Variants in AKTIP observed in about 807,000 individuals in gnomAD.
AKTIP encodes the protein AKT interacting protein.
A neutral mutation model predicts 39.1 loss-of-function variants in AKTIP; 16 were observed. That is an observed-to-expected ratio of 0.41 (90% confidence interval 0.28 to 0.62). The LOEUF (loss-of-function observed/expected upper bound fraction) is 0.62. AKTIP is among the 20% of genes least tolerant of loss of function. The pLI is 0.32. For missense variants in AKTIP, 262 were observed against 356.6 expected (o/e 0.73, Z 2.14); for synonymous variants, 93 against 124.3 (o/e 0.75, Z 1.67).
chr16:53,499,651 G>A (rs886727695), intron 2 of AKTIP, among the ~76,000 whole-genome samples: 11 of 151,772 alleles, frequency 7.2e-5, no homozygotes, highest in African/African-American at 2.2e-4. Context: ...TAGTAGAGAC[G>A]GGGTTTCACC....
chr16:53,500,265 G>C lies in AKTIP; in HGVS notation c.-6C>G, dbSNP rs774445518. ...ATGCTCCAGAAAGGGTTCATAACGT[G>C]TATTCCAAACAAAGAAAGTCAGTGG... On this transcript the variant is annotated 5_prime_UTR_variant, in exon 2 of 10. Coordinates refer to ENST00000394657, the MANE Select transcript of AKTIP (RefSeq NM_022476.4). The C allele has an allele frequency of 6.2e-7, 1 of 1,612,214 alleles. No individual in the cohort carries two copies.
intron 6 of AKTIP, 30 bp from the exon 7 acceptor site, chr16:53,494,467 G>A (rs753524005): frequency 6.2e-7 from 1 of 1,613,442 alleles, no homozygotes; most frequent in Non-Finnish European, 8.5e-7. Context: ...GATTACCGAG[G>A]CGTCCTCTTG....
At position 53,492,696 on chromosome 16, in the gene AKTIP, C is replaced by T; in HGVS notation, c.768G>A (p.Gln256=). 1 of 1,614,002 alleles carries T rather than the reference C, an allele frequency of 6.2e-7. No individual in the cohort carries two copies. Among genetic ancestry groups the T allele is most frequent in the Non-Finnish European group, 8.5e-7 (1 of 1,179,890 alleles). The change falls in exon 9 of 10, where the codon CAG becomes CAA. Residue 256 remains glutamine (Q), a synonymous_variant. Coordinates refer to ENST00000394657, the MANE Select transcript of AKTIP (RefSeq NM_022476.4). ...HDEAREKMLT[Q]KKPEEQHNKS... is the part of the protein sequence containing the mutation. ...TCATAAGTTGTTATCCACTTACTTT[C>T]TGAGTCAGCATCTTTTCTCTGGCTT...
chr16:53,504,088 CTTTTT>C (rs766022873), upstream of AKTIP, among the ~76,000 whole-genome samples: 1 of 133,800 alleles, frequency 7.5e-6, no homozygotes, highest in East Asian at 2.2e-4. Flanking sequence ...AGTTCCTGGT[CTTTTT>C]TTTTTTTTTT....
chr16:53,496,018 A>G (rs1277631379), intron 3 of AKTIP, among the ~76,000 whole-genome samples: 1 of 152,198 alleles, frequency 6.6e-6, no homozygotes, highest in Non-Finnish European at 1.5e-5. Context: ...ACAAGAAACG[A>G]TAAGTGTATT....
At chr16:53,495,049 A>G in intron 5 of AKTIP, 24 bp downstream of exon 5, 1 of 1,598,926 alleles carries the variant, frequency 6.3e-7, no homozygotes, top group South Asian at 1.1e-5. Flanking sequence ...CCACAAATAA[A>G]GCCAGACTGT....
Position 53,494,555 on chromosome 16 carries a change from T to C in AKTIP, c.465A>G (p.Ser155=), listed in dbSNP as rs1961707750. ...ATGCTCTCTTCACATCCAGCTCACC[T>C]GAGGTGGGATCAACTAGCGGGTGAA... ...PVFHPLVDPT[S]GELDVKRAFA... is the part of the protein sequence containing the mutation. Residue 155 remains serine, a synonymous_variant, in exon 6 of 10, where the codon TCA becomes TCG. Coordinates refer to ENST00000394657, the MANE Select transcript of AKTIP (RefSeq NM_022476.4). The C allele has an allele frequency of 7.4e-6, 12 of 1,614,182 alleles. No individual in the cohort carries two copies. Among genetic ancestry groups the C allele is most frequent in the Non-Finnish European group, 1.0e-5 (12 of 1,180,022 alleles).
chr16:53,494,098 A>C, intron 8 of AKTIP, 40 bp downstream of exon 8: 2 of 1,449,106 alleles, frequency 1.4e-6, no homozygotes, highest in Non-Finnish European at 1.9e-6. Context: ...GTGTATTGGA[A>C]AGGACAGTGG....
At chr16:53,493,073 C>CA (rs2150846551) in intron 8 of AKTIP, 2 of 258,882 alleles carry the variant, frequency 7.7e-6, no homozygotes, top group South Asian at 9.6e-5. Flanking sequence ...CTGCTGACTC[C>CA]AAGCTCTTTT....
At chr16:53,504,299 G>T (rs1418959184), upstream of AKTIP, 1 of 152,192 alleles carries the variant, frequency 6.6e-6, no homozygotes, top group Non-Finnish European at 1.5e-5. Context: ...GCAAGCCCCT[G>T]CCCCTTTTCT....
intron 8 of AKTIP, chr16:53,492,967 T>A: frequency 1.9e-6 from 1 of 528,108 alleles, no homozygotes; most frequent in Non-Finnish European, 3.4e-6. Context: ...CACCACCCCT[T>A]GAAGTACTGT....
rs538536153 is a variant in AKTIP, at chr16:53,497,255, G to A, written c.248+1136C>T. Reference sequence around the variant, plus strand: ...CGTGTGTGCCAGGCACCACAGGGTCGCTGCCAGCACTCCGCACCCTGCTTG... The same window carrying A: ...CGTGTGTGCCAGGCACCACAGGGTCACTGCCAGCACTCCGCACCCTGCTTG... On this transcript the variant is annotated intron_variant, in intron 3 of 9. Coordinates refer to ENST00000394657, the MANE Select transcript of AKTIP (RefSeq NM_022476.4). 5.3e-5 allele frequency among the ~76,000 whole-genome samples: 8 copies of A among 152,242 alleles called. No individual in the cohort carries two copies. In the South Asian group the frequency reaches 6.2e-4, roughly 12 times the overall value.
At chr16:53,501,567 A>T (rs1945329264) in intron 1 of AKTIP, 1 of 152,136 alleles carries the variant, frequency 6.6e-6, no homozygotes. Flanking sequence ...CACCAATCAA[A>T]CGGCTGAAGG....
intron 1 of AKTIP, chr16:53,500,987 G>C (rs1199117260): frequency 6.6e-6 from 1 of 152,156 alleles, no homozygotes; most frequent in Non-Finnish European, 1.5e-5. Context: ...TTAACTAACA[G>C]GAAAGCCAGA....
At chr16:53,494,641 GA>G in intron 5 of AKTIP, 36 bp from the exon 6 acceptor site, 1 of 1,589,548 alleles carries the variant, frequency 6.3e-7, no homozygotes, top group Non-Finnish European at 8.6e-7. Context: ...TCCTTTAATG[GA>G]AGCAGTGGCG....
rs1209998954 is a variant in AKTIP, at chr16:53,491,355, A to C, written c.*1057T>G. ...TTAGTACCATAGTACCATTTATACAAATTAGAAAATGTTATTTAACAGCTG... is the reference window on the plus strand; with the variant it reads ...TTAGTACCATAGTACCATTTATACACATTAGAAAATGTTATTTAACAGCTG... On this transcript the variant is annotated 3_prime_UTR_variant, in exon 10 of 10. Transcript: ENST00000394657. 1 of 152,216 alleles carries C rather than the reference A, an allele frequency of 6.6e-6. No individual in the cohort carries two copies. The highest frequency in any genetic ancestry group is 1.9e-4 in the East Asian group (1 of 5,206). 9.4% of individuals were successfully genotyped at this position (152,216 alleles called of 1,614,324 possible). A position where few individuals can be genotyped will look rare whatever the true frequency, so the allele number is the denominator to read the frequency against.
At position 53,495,319 on chromosome 16, in the gene AKTIP, C is replaced by T. The variant is rs980836688; in HGVS notation, c.256G>A (p.Val86Ile). ...ACGCCTGGTAGCTTCTGCTTCACAA[C>T]CAAGGTACTACAACAAAAGCAGAAT... is the stretch of plus-strand genomic sequence containing the variant. Reference protein sequence around the residue: ...EYSLLAEFTLVVKQKLPGVYV... With the variant: ...EYSLLAEFTLIVKQKLPGVYV... The change falls in exon 4 of 10, where the codon GTT becomes ATT. Residue 86 changes from valine to isoleucine, a missense_variant. This residue lies in a region of AKTIP where 88 missense variants were observed against 132.1 expected (regional missense o/e 0.67). Coordinates refer to ENST00000394657, the MANE Select transcript of AKTIP (RefSeq NM_022476.4). 1.2e-6 allele frequency: 2 copies of T among 1,614,156 alleles called. No homozygotes were observed. The highest frequency in any genetic ancestry group is 1.7e-6 in the Non-Finnish European group (2 of 1,180,020).
At chr16:53,503,685 G>A (rs1450097732), upstream of AKTIP, among the ~76,000 whole-genome samples, 1 of 152,202 alleles carries the variant, frequency 6.6e-6, no homozygotes, top group Non-Finnish European at 1.5e-5. Context: ...AGCTTTTGGG[G>A]AGGGCCGGGC....
intron 2 of AKTIP, among the ~76,000 whole-genome samples, chr16:53,499,884 A>G (rs1296163207): frequency 1.3e-5 from 2 of 152,206 alleles, no homozygotes; most frequent in African/African-American, 2.4e-5. Context: ...ATGATATTAG[A>G]CTAGCCTTTC....
Sources: gnomAD v4.1 joint callset for allele counts (sites outside exome capture counted in the v4.1 genomes callset) on GRCh38, gnomAD v4.1.1 for gene constraint, gnomAD v4.1.1 regional missense constraint, MANE v1.5 for transcripts, NCBI Gene and HGNC (gene_info 2026-07-23, HGNC 2026-07-21) for gene names.